Variants in TCF20 observed in about 807,000 individuals in gnomAD.
TCF20 encodes the protein SPRE-binding protein.
TCF20 carries 3 observed loss-of-function variants against 148.6 expected under a neutral mutation model. That is an observed-to-expected ratio of 0.02 (90% CI 0.01 to 0.05). The LOEUF (loss-of-function observed/expected upper bound fraction) is 0.05, where lower values mean the gene tolerates loss of function less well. TCF20 is among the 10% of genes least tolerant of loss of function. The pLI, the probability that TCF20 is intolerant of heterozygous loss-of-function variation, is 1.00. For synonymous variants in TCF20, 1,049 were observed against 909.5 expected (o/e 1.15, Z -2.76); for missense variants, 2,350 against 2,429.3 (o/e 0.97, Z 0.69).
At chr22:42,242,981 T>C (rs1924574164) in intron 1 of TCF20, among the ~76,000 whole-genome samples, 1 of 151,914 alleles carries the variant, frequency 6.6e-6, no homozygotes, top group Non-Finnish European at 1.5e-5. Flanking sequence ...CTATATAATA[T>C]TCTGGAAAAC....
At position 42,249,893 on chromosome 22, in the gene TCF20, T is replaced by C. The variant is rs142991182; in HGVS notation, c.-37+20446A>G. 1.5e-3 allele frequency among the ~76,000 whole-genome samples: 223 copies of C among 152,326 alleles called. 1 individual carries two copies. In the Middle Eastern group the frequency reaches 0.017, roughly 12 times the overall value. Reference sequence around the variant, plus strand: ...CTAATTAATTCTATGCATTTTTTTTTTGCAAACTGAACTCCACAGAAGTGC... The same window carrying C: ...CTAATTAATTCTATGCATTTTTTTTCTGCAAACTGAACTCCACAGAAGTGC... On this transcript the variant is annotated intron_variant, in intron 1 of 5. Transcript: ENST00000677622.
chr22:42,208,821 C>G (rs914220068), intron 2 of TCF20, among the ~76,000 whole-genome samples: 1 of 152,070 alleles, frequency 6.6e-6, no homozygotes, highest in Non-Finnish European at 1.5e-5. Context: ...AAAGAACTAC[C>G]ACATGACAAA....
chr22:42,190,870 G>A (rs976117093), intron 2 of TCF20, among the ~76,000 whole-genome samples: 10 of 152,256 alleles, frequency 6.6e-5, no homozygotes, highest in East Asian at 1.9e-4. Context: ...AAGAAAGTTC[G>A]TAATTATCAC....
At chr22:42,269,677 G>C in intron 1 of TCF20, 1 of 152,454 alleles carries the variant, frequency 6.6e-6, no homozygotes, top group Non-Finnish European at 1.5e-5. Flanking sequence ...CGCGGCGCGG[G>C]AGGAGAGGCC....
upstream of TCF20, among the ~76,000 whole-genome samples, chr22:42,288,904 A>G (rs1927083542): frequency 6.6e-6 from 1 of 152,112 alleles, no homozygotes; most frequent in African/African-American, 2.4e-5. Flanking sequence ...TCCAAAGACC[A>G]CACTCCTCCC....
intron 2 of TCF20, 54 bp from the exon 3 acceptor site, chr22:42,179,756 TC>T: frequency 1.7e-6 from 2 of 1,186,288 alleles, no homozygotes; most frequent in Non-Finnish European, 2.5e-6. Context: ...GGCCCTCTCC[TC>T]CAGGCCTTCC....
At chr22:42,258,580 A>G (rs1925866359) in intron 1 of TCF20, among the ~76,000 whole-genome samples, 1 of 152,160 alleles carries the variant, frequency 6.6e-6, no homozygotes, top group Non-Finnish European at 1.5e-5. Flanking sequence ...GGATGGTGCC[A>G]AAGTGACAAG....
Position 42,210,498 on chromosome 22 carries a change from G to T in TCF20, c.4808C>A (p.Pro1603His). 1 of 1,614,200 alleles carries T rather than the reference G, an allele frequency of 6.2e-7. No individual in the cohort carries two copies. Residue 1603 changes from proline to histidine, a missense_variant, in exon 2 of 6, where the codon CCC (proline) becomes CAC (histidine). By Grantham distance (77) the Pro-to-His change is moderately conservative (BLOSUM62 -2). Transcript: ENST00000677622. The surrounding 1 kb of genome is among the most constrained non-coding windows in gnomAD (Gnocchi z 4.7). ...CTCAGGTTCTTGGGGTTCCACAATG[G>T]GAACTGCTTGTTTGGTTTTTCGCTT... ...PRKRKTKQAV[P>H]IVEPQEPEIK...
At chr22:42,172,536 C>A (rs1191633341) in intron 3 of TCF20, among the ~76,000 whole-genome samples, 1 of 152,224 alleles carries the variant, frequency 6.6e-6, no homozygotes, top group Admixed American at 6.5e-5. Context: ...GCCTAGTCAA[C>A]AAGATGGCTT....
At chr22:42,181,194 C>CT (rs909516479) in intron 2 of TCF20, among the ~76,000 whole-genome samples, 2 of 152,102 alleles carry the variant, frequency 1.3e-5, no homozygotes, top group African/African-American at 2.4e-5. Context: ...CTGCCACTTT[C>CT]TTTTTTTGAG....
chr22:42,210,494 A>G lies in TCF20; in HGVS notation c.4812T>C (p.Ile1604=), dbSNP rs765630146. Residue 1604 remains isoleucine (I), a synonymous_variant, in exon 2 of 6, where the codon ATT becomes ATC. Transcript: ENST00000677622. The surrounding 1 kb of genome is among the most constrained non-coding windows in gnomAD (Gnocchi z 4.7). The part of the protein sequence containing the change: ...RKRKTKQAVP[I]VEPQEPEIKL... ...TGATCTCAGGTTCTTGGGGTTCCAC[A>G]ATGGGAACTGCTTGTTTGGTTTTTC... is the stretch of plus-strand genomic sequence containing the variant. The G allele has an allele frequency of 6.2e-7, 1 of 1,614,176 alleles. No homozygotes were observed. Among genetic ancestry groups the G allele is most frequent in the East Asian group, 2.2e-5 (1 of 44,886 alleles).
intron 1 of TCF20, among the ~76,000 whole-genome samples, chr22:42,308,942 G>A (rs764668798): frequency 6.6e-6 from 1 of 152,158 alleles, no homozygotes; most frequent in African/African-American, 2.4e-5. Context: ...GAAACGGGCT[G>A]GGATTGCACA....
At chr22:42,263,912 G>C (rs1926149688) in intron 1 of TCF20, among the ~76,000 whole-genome samples, 1 of 152,130 alleles carries the variant, frequency 6.6e-6, no homozygotes. Flanking sequence ...TCAGTATAAA[G>C]CCACATAACT....
At chr22:42,183,626 G>A (rs1936890846) in intron 2 of TCF20, among the ~76,000 whole-genome samples, 1 of 152,212 alleles carries the variant, frequency 6.6e-6, no homozygotes, top group African/African-American at 2.4e-5. Context: ...TTCCAGCCCA[G>A]TAAGACACCT....
chr22:42,227,069 G>A (rs1922975867), intron 1 of TCF20, among the ~76,000 whole-genome samples: 1 of 152,140 alleles, frequency 6.6e-6, no homozygotes. Flanking sequence ...GAACACACGA[G>A]GCCAGGAGTT....
At chr22:42,263,429 T>A (rs959501351) in intron 1 of TCF20, among the ~76,000 whole-genome samples, 5 of 152,220 alleles carry the variant, frequency 3.3e-5, no homozygotes, top group South Asian at 2.1e-4. Flanking sequence ...AGGGCACTTC[T>A]AAATGCAGCA....
At chr22:42,304,769 T>C (rs978583698) in intron 1 of TCF20, among the ~76,000 whole-genome samples, 1 of 151,962 alleles carries the variant, frequency 6.6e-6, no homozygotes, top group Non-Finnish European at 1.5e-5. Context: ...CACTCCTCCA[T>C]ACTGAAGTGC....
chr22:42,164,038 C>G (rs930901718), intron 5 of TCF20, among the ~76,000 whole-genome samples: 1 of 152,136 alleles, frequency 6.6e-6, no homozygotes, highest in African/African-American at 2.4e-5. Flanking sequence ...CTCAACACCA[C>G]TCACCCTGGC....
rs1350117431 is a variant in TCF20 at position 42,209,857 on chromosome 22, T to C, written c.5449A>G (p.Ser1817Gly). Residue 1817 changes from serine (S) to glycine (G), a missense_variant, in exon 2 of 6, where the codon AGT becomes GGT. Coordinates refer to ENST00000677622, the MANE Select transcript of TCF20 (RefSeq NM_001378418.1). Reference sequence around the variant, plus strand: ...TTCGAGTCCAAAACAGTCTTTTCACTGCTGCCCTCAGTGGCTGCTTTTTTA... The same window carrying C: ...TTCGAGTCCAAAACAGTCTTTTCACCGCTGCCCTCAGTGGCTGCTTTTTTA... ...PCKKAATEGSSEKTVLDSKPS... is the reference protein window; with the variant it reads ...PCKKAATEGSGEKTVLDSKPS... The C allele has an allele frequency of 6.2e-7, 1 of 1,614,234 alleles. No individual in the cohort carries two copies. The highest frequency in any genetic ancestry group is 8.5e-7 in the Non-Finnish European group (1 of 1,180,040).
Sources: allele counts gnomAD v4.1 joint callset (sites outside exome capture counted in the v4.1 genomes callset), GRCh38; gene constraint gnomAD v4.1.1; non-coding constraint Gnocchi (gnomAD v3.1); transcripts MANE v1.5; gene names NCBI Gene and HGNC (gene_info 2026-07-23, HGNC 2026-07-21).